Variants in LGR5 observed in about 807,000 individuals in gnomAD.
The protein encoded by LGR5 is leucine-rich repeat-containing G protein-coupled receptor 5.
In LGR5, 54 loss-of-function variants were observed where a neutral mutation model predicts 76.7. The observed-to-expected ratio is 0.70, with a 90% CI of 0.57 to 0.88. The LOEUF (loss-of-function observed/expected upper bound fraction) is 0.88, where lower values mean the gene tolerates loss of function less well. Among genes scored for constraint, LGR5 ranks in the 40% least tolerant of loss-of-function variants. The pLI is 0.00. For missense variants in LGR5, 1,078 were observed against 1,073.3 expected, an observed-to-expected ratio of 1.00 and a Z score of -0.06; for synonymous variants, 406 against 421.9, an observed-to-expected ratio of 0.96 and a Z score of 0.46.
At chr12:71,497,313 TGAAAGAAGAAAAGAAA>T (rs1033023097) in intron 1 of LGR5, among the ~76,000 whole-genome samples, 7 of 144,578 alleles carry the variant, frequency 4.8e-5, no homozygotes, top group Non-Finnish European at 7.5e-5. Flanking sequence ...AAACCTTAGT[TGAAAGAAGAAAAGAAA>T]GAAAGAGAGA....
At chr12:71,532,378 T>C (rs1876361396) in intron 3 of LGR5, among the ~76,000 whole-genome samples, 1 of 152,200 alleles carries the variant, frequency 6.6e-6, no homozygotes, top group Admixed American at 6.5e-5. Context: ...AGTGTGGGGA[T>C]CTTCCTAAAA....
chr12:71,522,060 G>A (rs1875750894), intron 2 of LGR5, among the ~76,000 whole-genome samples: 1 of 152,132 alleles, frequency 6.6e-6, no homozygotes, highest in Non-Finnish European at 1.5e-5. Context: ...AGCATTTTAG[G>A]TGGAACAAAG....
intron 16 of LGR5, 37 bp from the exon 17 acceptor site, chr12:71,582,419 G>A (rs1440528299): frequency 1.3e-6 from 2 of 1,573,260 alleles, no homozygotes; most frequent in Admixed American, 3.3e-5. Context: ...TGAAAAGAGA[G>A]TCAGAACTAA....
rs201955428 is a variant in LGR5, at chr12:71,559,540, T to A, written c.717-46T>A. 622 of 1,041,814 alleles carry A rather than the reference T, an allele frequency of 6.0e-4. 1 individual carries two copies. Among genetic ancestry groups the A allele is most frequent in the Non-Finnish European group, 8.2e-4 (545 of 663,340 alleles). 64.5% of individuals were successfully genotyped at this position (1,041,814 alleles called of 1,614,324 possible). A position where few individuals can be genotyped will look rare whatever the true frequency, so the allele number is the denominator to read the frequency against. On this transcript the variant is annotated intron_variant, in intron 6 of 17. Coordinates refer to ENST00000266674, the MANE Select transcript of LGR5 (RefSeq NM_003667.4). ...ACTTTCCTTGTAAATAGAGTATATA[T>A]GAAGTTTTAAATAAAAAACTGAAAA...
chr12:71,567,080 G>A (rs1457665549), intron 11 of LGR5, 168 bp downstream of exon 11: 2 of 620,652 alleles, frequency 3.2e-6, no homozygotes, highest in African/African-American at 3.7e-5. Flanking sequence ...TCTCTGACAT[G>A]ATCCTGGTAA....
chr12:71,575,626 G>A (rs535629217), intron 13 of LGR5, among the ~76,000 whole-genome samples: 26 of 152,156 alleles, frequency 1.7e-4, no homozygotes, highest in Admixed American at 4.6e-4. Context: ...CAGGAGAATC[G>A]CTTGAACCTG....
At chr12:71,511,961 T>C (rs1875176837) in intron 2 of LGR5, among the ~76,000 whole-genome samples, 1 of 152,082 alleles carries the variant, frequency 6.6e-6, no homozygotes, top group Non-Finnish European at 1.5e-5. Flanking sequence ...ATTGTCTCAT[T>C]TGGGTAACTC....
At chr12:71,561,452 A>G (rs1453659359) in intron 7 of LGR5, among the ~76,000 whole-genome samples, 1 of 152,226 alleles carries the variant, frequency 6.6e-6, no homozygotes, top group East Asian at 1.9e-4. Context: ...ATCTCTCCAA[A>G]AATGGTTTCC....
chr12:71,555,745 C>T (rs1235020258), intron 5 of LGR5, among the ~76,000 whole-genome samples: 1 of 152,160 alleles, frequency 6.6e-6, no homozygotes, highest in Non-Finnish European at 1.5e-5. Flanking sequence ...ATTAGTTCAA[C>T]CATTGTGGAA....
chr12:71,463,674 G>A (rs184342219), intron 1 of LGR5, among the ~76,000 whole-genome samples: 279 of 152,130 alleles, frequency 1.8e-3, no homozygotes, highest in African/African-American at 6.4e-3. Flanking sequence ...ACCAATTTAC[G>A]ATAGTACTAC....
intron 1 of LGR5, among the ~76,000 whole-genome samples, chr12:71,493,372 A>G (rs1874164218): frequency 1.3e-5 from 2 of 150,774 alleles, no homozygotes; most frequent in Non-Finnish European, 2.9e-5. Flanking sequence ...AGGGTCATAG[A>G]CTCCTATGAG....
chr12:71,498,931 G>A (rs912424300), intron 1 of LGR5, among the ~76,000 whole-genome samples: 1 of 152,352 alleles, frequency 6.6e-6, no homozygotes, highest in Non-Finnish European at 1.5e-5. Flanking sequence ...AAGTGGTAAA[G>A]GCTCGCAGCA....
At chr12:71,554,200 T>C (rs1245972233) in intron 5 of LGR5, among the ~76,000 whole-genome samples, 1 of 152,114 alleles carries the variant, frequency 6.6e-6, no homozygotes, top group Non-Finnish European at 1.5e-5. Context: ...TTAAAGATAG[T>C]TTGGCTAGCA....
At chr12:71,542,747 G>A (rs17109799) in intron 4 of LGR5, among the ~76,000 whole-genome samples, 21,593 of 152,018 alleles carry the variant, frequency 0.14, 1,676 homozygotes, top group African/African-American at 0.17. Context: ...ACTGGGAGAC[G>A]GCTATACATA....
At chr12:71,574,475 C>T (rs1878762577) in intron 13 of LGR5, among the ~76,000 whole-genome samples, 2 of 152,120 alleles carry the variant, frequency 1.3e-5, no homozygotes, top group Admixed American at 1.3e-4. Context: ...TCCTCTACCG[C>T]AGGCCCATTA....
At chr12:71,565,301 T>C (rs953086372) in intron 8 of LGR5, among the ~76,000 whole-genome samples, 9 of 151,786 alleles carry the variant, frequency 5.9e-5, no homozygotes, top group Non-Finnish European at 1.2e-4. Flanking sequence ...AATTAGAAAA[T>C]TGAGGCTCTA....
intron 3 of LGR5, among the ~76,000 whole-genome samples, chr12:71,525,833 A>G (rs903347791): frequency 5.3e-5 from 8 of 151,360 alleles, no homozygotes; most frequent in African/African-American, 9.7e-5. Flanking sequence ...TATTATAATT[A>G]CATATAATTA....
Position 71,524,403 on chromosome 12 carries a change from C to T in LGR5, c.285-3C>T, listed in dbSNP as rs780792592. On this transcript the variant is annotated splice_region_variant and splice_polypyrimidine_tract_variant and intron_variant, in intron 2 of 17. Coordinates refer to ENST00000266674, the MANE Select transcript of LGR5 (RefSeq NM_003667.4). The stretch of plus-strand genomic sequence containing the variant: ...TCTCTCTCCTCTCCATTGAAACCCA[C>T]AGACGTCTTGCGGGAAACGCTCTGA... The T allele has an allele frequency of 5.7e-5, 92 of 1,610,398 alleles. No homozygotes were observed. The highest frequency in any genetic ancestry group is 5.6e-4 in the South Asian group (51 of 90,874).
rs1317813876 is a variant in LGR5, at chr12:71,544,256, ATTC to A, written c.429-8814_429-8812del. Among the ~76,000 whole-genome samples the A allele has an allele frequency of 2.8e-3, 382 of 136,428 alleles. 2 individuals carry two copies. Among genetic ancestry groups the A allele is most frequent in the African/African-American group, 9.7e-3 (352 of 36,354 alleles). 89.5% of individuals were successfully genotyped at this position (136,428 alleles called of 152,430 possible). ...CAACCTGGAGAGGGAGAAAGGGGAA[ATTC>A]TTTTTTTTTTTTCTTTGTCTTTTTT... On this transcript the variant is annotated intron_variant, in intron 4 of 17. Transcript: ENST00000266674.
Sources: gnomAD v4.1 joint callset for allele counts (sites outside exome capture counted in the v4.1 genomes callset) on GRCh38, gnomAD v4.1.1 for gene constraint, MANE v1.5 for transcripts, NCBI Gene and HGNC (gene_info 2026-07-23, HGNC 2026-07-21) for gene names.